The following TAFA2 variants were observed in gnomAD, a reference collection of about 807,000 sequenced individuals.
TAFA2 encodes chemokine-like protein TAFA-2.
In TAFA2, 7 loss-of-function variants were observed where a neutral mutation model predicts 18.8. The ratio of observed to expected loss-of-function variants is 0.37; its 90% CI spans 0.21 to 0.70. TAFA2 has a LOEUF of 0.70. Ranked by LOEUF, TAFA2 falls within the 30% of genes least tolerant of loss-of-function variation. The pLI, the probability that TAFA2 is intolerant of heterozygous loss-of-function variation, is 0.53. For synonymous variants in TAFA2, 60 were observed against 54.2 expected (o/e 1.11, Z -0.47); for missense variants, 122 against 158.1 (o/e 0.77, Z 1.23).
Position 61,807,130 on chromosome 12 carries a change from T to C in TAFA2, c.107-52106A>G, listed in dbSNP as rs185436912. Among the ~76,000 whole-genome samples the C allele has an allele frequency of 2.4e-3, 367 of 151,346 alleles. 17 individuals carry two copies. Among genetic ancestry groups the C allele is most frequent in the African/African-American group, 8.5e-3 (345 of 40,702 alleles). Reference sequence around the variant, plus strand: ...ACGTCTTCATAGCAGGACCTCCCATTACAGGCCAGGAGGTCTAGGAGGAAA... The same window carrying C: ...ACGTCTTCATAGCAGGACCTCCCATCACAGGCCAGGAGGTCTAGGAGGAAA... On this transcript the variant is annotated intron_variant, in intron 2 of 4. Transcript: ENST00000416284.
intron 1 of TAFA2, among the ~76,000 whole-genome samples, chr12:62,231,577 T>C (rs1470450997): frequency 6.6e-6 from 1 of 152,224 alleles, no homozygotes; most frequent in Non-Finnish European, 1.5e-5. Context: ...AGTGTTATTA[T>C]TGATAGGTAA....
chr12:62,237,675 G>T (rs367676554), intron 1 of TAFA2, among the ~76,000 whole-genome samples: 8 of 152,284 alleles, frequency 5.3e-5, no homozygotes, highest in South Asian at 2.1e-4. Flanking sequence ...AACTTTCTAG[G>T]ATATGTTTAC....
intron 1 of TAFA2, among the ~76,000 whole-genome samples, chr12:62,156,132 A>T (rs1368674769): frequency 6.6e-6 from 1 of 152,252 alleles, no homozygotes; most frequent in Non-Finnish European, 1.5e-5. Flanking sequence ...AAAGTGGGCT[A>T]AGGACATGAA....
intron 1 of TAFA2, among the ~76,000 whole-genome samples, chr12:61,952,879 T>C (rs1029438458): frequency 6.6e-6 from 1 of 152,112 alleles, no homozygotes; most frequent in Non-Finnish European, 1.5e-5. Flanking sequence ...TACGTGTTTT[T>C]GCACCCAAGA....
intron 2 of TAFA2, among the ~76,000 whole-genome samples, chr12:61,839,061 A>G (rs975859170): frequency 6.6e-6 from 1 of 152,076 alleles, no homozygotes; most frequent in African/African-American, 2.4e-5. Context: ...GTATTTCCTC[A>G]GACTTGCTTT....
At chr12:61,893,135 C>G (rs1875704375) in intron 1 of TAFA2, among the ~76,000 whole-genome samples, 1 of 152,092 alleles carries the variant, frequency 6.6e-6, no homozygotes, top group African/African-American at 2.4e-5. Context: ...TTCACAGAGA[C>G]TAACAGAAAG....
chr12:61,889,241 A>G (rs1347036266), intron 1 of TAFA2, among the ~76,000 whole-genome samples: 2 of 152,184 alleles, frequency 1.3e-5, no homozygotes, highest in African/African-American at 2.4e-5. Flanking sequence ...GAATGTCACC[A>G]TTATTTTTTA....
intron 1 of TAFA2, among the ~76,000 whole-genome samples, chr12:61,874,220 T>C (rs941440218): frequency 6.6e-6 from 1 of 152,190 alleles, no homozygotes; most frequent in Non-Finnish European, 1.5e-5. Context: ...TACAAGCTAG[T>C]CATATGATTA....
At chr12:62,030,457 AC>A (rs1881427890) in intron 1 of TAFA2, among the ~76,000 whole-genome samples, 1 of 152,144 alleles carries the variant, frequency 6.6e-6, no homozygotes, top group Non-Finnish European at 1.5e-5. Context: ...GGCAAAAGAA[AC>A]AAAAGTAGTG....
rs541364735 is a variant in TAFA2 at position 62,106,658 on chromosome 12, A to G, written c.-2+84601T>C. 4.6e-5 allele frequency among the ~76,000 whole-genome samples: 7 copies of G among 152,352 alleles called. No homozygotes were observed. The East Asian group carries it at 9.6e-4, about 21-fold the overall frequency. On this transcript the variant is annotated intron_variant, in intron 1 of 4. Coordinates refer to ENST00000416284, the MANE Select transcript of TAFA2 (RefSeq NM_178539.5). The stretch of plus-strand genomic sequence containing the variant: ...GCTTGATGAGAATCTGTAGAGTAAC[A>G]GTAAACTTTTCTTTAGTATACTCCC...
At chr12:62,131,065 A>G (rs763214938) in intron 1 of TAFA2, among the ~76,000 whole-genome samples, 15 of 151,942 alleles carry the variant, frequency 9.9e-5, no homozygotes, top group Non-Finnish European at 1.6e-4. Context: ...AAACCGCACT[A>G]ATGAAAAGGG....
In TAFA2 at chr12:61,971,577, A is replaced by G. The variant is rs137944659; in HGVS notation, c.-1-104151T>C. On this transcript the variant is annotated intron_variant, in intron 1 of 4. Transcript: ENST00000416284. The stretch of plus-strand genomic sequence containing the variant: ...GGATGAGTTCATGTCCTTTGCAGGG[A>G]CATGGATGAAGCTGGAGACCATCAT... Among the ~76,000 whole-genome samples, 582 of 152,026 alleles carry G rather than the reference A, an allele frequency of 3.8e-3. 2 individuals are homozygous for G. The highest frequency in any genetic ancestry group is 0.013 in the African/African-American group (547 of 41,532).
intron 1 of TAFA2, among the ~76,000 whole-genome samples, chr12:61,907,507 GC>G (rs1325391294): frequency 2.0e-5 from 3 of 152,194 alleles, no homozygotes; most frequent in African/African-American, 7.2e-5. Flanking sequence ...GTATGGAAAT[GC>G]CTGGATCTCC....
At chr12:62,240,757 G>A (rs2062859129) in intron 1 of TAFA2, among the ~76,000 whole-genome samples, 1 of 152,166 alleles carries the variant, frequency 6.6e-6, no homozygotes, top group Non-Finnish European at 1.5e-5. Flanking sequence ...TCCATGGTCT[G>A]TTAGGAACCA....
chr12:61,862,138 G>T lies in TAFA2; in HGVS notation c.106+5182C>A, dbSNP rs145657986. ...AAACATATTAGCCTCCTAAGATTAA[G>T]GACTATATTTTTCTGTTGGGAACTT... On this transcript the variant is annotated intron_variant, in intron 2 of 4. Transcript: ENST00000416284. Among the ~76,000 whole-genome samples the T allele has an allele frequency of 7.5e-3, 1,138 of 152,270 alleles. 13 individuals carry two copies. Among genetic ancestry groups the T allele is most frequent in the African/African-American group, 0.026 (1,061 of 41,562 alleles).
rs1297565316 is a variant in TAFA2 at position 62,192,085 on chromosome 12, T to C, written c.-828A>G. 6.5e-6 allele frequency: 1 copy of C among 152,704 alleles called. No individual in the cohort carries two copies. The highest frequency in any genetic ancestry group is 1.5e-5 in the Non-Finnish European group (1 of 68,488). 9.5% of individuals were successfully genotyped at this position (152,704 alleles called of 1,614,324 possible). ...GCGTTCCTCCGTCCAGGTGCCCCTG[T>C]TCCCACTGCTCGCAGATAGGTCCCC... On this transcript the variant is annotated 5_prime_UTR_variant, in exon 1 of 5. Transcript: ENST00000416284.
At chr12:61,948,232 A>G (rs1469880580) in intron 1 of TAFA2, among the ~76,000 whole-genome samples, 3 of 152,184 alleles carry the variant, frequency 2.0e-5, no homozygotes, top group African/African-American at 7.2e-5. Context: ...GGGTTCTACT[A>G]TTATTGCCAT....
At chr12:62,187,547 T>C (rs1369331628) in intron 1 of TAFA2, among the ~76,000 whole-genome samples, 1 of 152,198 alleles carries the variant, frequency 6.6e-6, no homozygotes, top group Non-Finnish European at 1.5e-5. Flanking sequence ...AGAGATTATA[T>C]TGTTAGGTAC....
At chr12:62,208,488 A>G (rs985963960) in intron 1 of TAFA2, among the ~76,000 whole-genome samples, 2 of 145,898 alleles carry the variant, frequency 1.4e-5, no homozygotes, top group South Asian at 2.2e-4. Context: ...TAAAAAAAAA[A>G]GGCTCTTTAT....
Sources: allele counts gnomAD v4.1 joint callset (sites outside exome capture counted in the v4.1 genomes callset), GRCh38; gene constraint gnomAD v4.1.1; transcripts MANE v1.5; gene names NCBI Gene and HGNC (gene_info 2026-07-23, HGNC 2026-07-21).